FILIP1L: variants seen among roughly 807,000 people sequenced by gnomAD.
FILIP1L encodes the protein filamin A-interacting protein 1-like.
A neutral mutation model predicts 96.6 loss-of-function variants in FILIP1L; 55 were observed. The ratio of observed to expected loss-of-function variants is 0.57; its 90% confidence interval spans 0.46 to 0.71. FILIP1L has a LOEUF of 0.71. FILIP1L is among the 30% of genes least tolerant of loss of function. The pLI is 0.00. For missense variants in FILIP1L, 1,304 were observed against 1,321.2 expected (o/e 0.99, Z 0.20); for synonymous variants, 467 against 473.9 (o/e 0.99, Z 0.19).
intron 1 of FILIP1L, among the ~76,000 whole-genome samples, chr3:100,064,398 C>CTTT (rs527292402): frequency 1.4e-5 from 2 of 146,070 alleles, no homozygotes; most frequent in Non-Finnish European, 1.5e-5. Context: ...CCCCAACACC[C>CTTT]TTTTTTTTTT....
chr3:100,041,854 GT>G (rs1366152509), intron 1 of FILIP1L, among the ~76,000 whole-genome samples: 1 of 152,108 alleles, frequency 6.6e-6, no homozygotes, highest in Non-Finnish European at 1.5e-5. Context: ...CAACATGAAA[GT>G]ATATCACATG....
chr3:100,073,126 T>C (rs1186649721), intron 1 of FILIP1L, among the ~76,000 whole-genome samples: 1 of 152,238 alleles, frequency 6.6e-6, no homozygotes, highest in African/African-American at 2.4e-5. Context: ...AAGAATGCTG[T>C]TATATTATAG....
intron 1 of FILIP1L, among the ~76,000 whole-genome samples, chr3:99,932,079 A>T (rs1035396160): frequency 1.3e-5 from 2 of 152,194 alleles, no homozygotes; most frequent in African/African-American, 4.8e-5. Context: ...TACCACACAA[A>T]TTTATAAAAT....
At chr3:99,854,106 T>C (rs1559660739) in intron 4 of FILIP1L, among the ~76,000 whole-genome samples, 1 of 152,208 alleles carries the variant, frequency 6.6e-6, no homozygotes, top group African/African-American at 2.4e-5. Context: ...ATTTCTTGCC[T>C]TGTATCCAGG....
At chr3:99,919,774 G>T (rs1362331567) in intron 4 of FILIP1L, among the ~76,000 whole-genome samples, 1 of 152,140 alleles carries the variant, frequency 6.6e-6, no homozygotes, top group Non-Finnish European at 1.5e-5. Context: ...TTATAAAGTT[G>T]TTTCAGCCAA....
chr3:99,940,397 G>A (rs757859382), intron 1 of FILIP1L, among the ~76,000 whole-genome samples: 1 of 152,138 alleles, frequency 6.6e-6, no homozygotes, highest in African/African-American at 2.4e-5. Flanking sequence ...GTTTTTCTTA[G>A]AAATACAGTG....
intron 5 of FILIP1L, among the ~76,000 whole-genome samples, chr3:99,836,647 C>T (rs540958062): frequency 7.9e-5 from 12 of 152,334 alleles, no homozygotes; most frequent in African/African-American, 2.9e-4. Flanking sequence ...TGCCCACATC[C>T]TCTGCACAAG....
Position 99,840,952 on chromosome 3 carries a change from A to C in FILIP1L, c.3381+7343T>G, listed in dbSNP as rs1052705615. On this transcript the variant is annotated intron_variant, in intron 5 of 5. Coordinates refer to ENST00000477258, the MANE Select transcript of FILIP1L (RefSeq NM_001387850.1). ...TATTGGTAGAGATTGACAGTTTCCC[A>C]CTTGATTAAATGTTGTCTGATACTC... Among the ~76,000 whole-genome samples, 6 of 152,242 alleles carry C rather than the reference A, an allele frequency of 3.9e-5. No individual in the cohort carries two copies. The East Asian group carries it at 9.6e-4, about 24-fold the overall frequency.
intron 1 of FILIP1L, among the ~76,000 whole-genome samples, chr3:99,973,827 T>A (rs998031601): frequency 6.6e-6 from 1 of 152,204 alleles, no homozygotes; most frequent in Non-Finnish European, 1.5e-5. Context: ...TTCCTAGGCC[T>A]GGTGTTTGTT....
chr3:100,021,970 A>T (rs1225137654), intron 1 of FILIP1L, among the ~76,000 whole-genome samples: 2,799 of 124,718 alleles, frequency 0.022, 81 homozygotes, highest in African/African-American at 0.072. Flanking sequence ...TGAGAGAGAG[A>T]GAGAGAGAGA....
At chr3:99,863,796 C>A (rs1364764829) in intron 4 of FILIP1L, among the ~76,000 whole-genome samples, 2 of 152,208 alleles carry the variant, frequency 1.3e-5, no homozygotes. Context: ...ATACTAGTTT[C>A]TCTTATGTAC....
At chr3:100,025,815 T>A (rs2064910259) in intron 1 of FILIP1L, among the ~76,000 whole-genome samples, 1 of 152,150 alleles carries the variant, frequency 6.6e-6, no homozygotes, top group Admixed American at 6.5e-5. Context: ...TCGACCTCCA[T>A]TTTTTGTTGG....
At chr3:100,061,077 T>C (rs775799854) in intron 1 of FILIP1L, among the ~76,000 whole-genome samples, 19 of 151,716 alleles carry the variant, frequency 1.3e-4, no homozygotes, top group South Asian at 4.2e-4. Flanking sequence ...AAGTGGCCAA[T>C]AGATGTGCAC....
At chr3:99,983,416 ATATG>A (rs1240242590) in intron 1 of FILIP1L, among the ~76,000 whole-genome samples, 13 of 96,950 alleles carry the variant, frequency 1.3e-4, no homozygotes, top group African/African-American at 2.6e-4. Context: ...ATATATATAT[ATATG>A]TATGTATGTA....
intron 1 of FILIP1L, among the ~76,000 whole-genome samples, chr3:100,047,813 C>G (rs1403173281): frequency 1.3e-5 from 2 of 151,860 alleles, no homozygotes; most frequent in East Asian, 1.9e-4. Flanking sequence ...CCTCACTGCT[C>G]TCCCCAGAAG....
chr3:99,879,184 G>T (rs754527439), intron 4 of FILIP1L, among the ~76,000 whole-genome samples: 1 of 152,288 alleles, frequency 6.6e-6, no homozygotes, highest in Non-Finnish European at 1.5e-5. Flanking sequence ...ATTTAGAAAT[G>T]ATACAAAGAA....
At position 99,910,669 on chromosome 3, in the gene FILIP1L, C is replaced by T. The variant is rs778750586; in HGVS notation, c.605+13561G>A. Among the ~76,000 whole-genome samples, 21 of 128,312 alleles carry T rather than the reference C, an allele frequency of 1.6e-4. 2 individuals are homozygous for T. The highest frequency in any genetic ancestry group is 3.2e-4 in the Non-Finnish European group (18 of 55,554). The allele number at this position is 128,312 out of a possible 152,430, so 84.2% of individuals were successfully genotyped here. Reference sequence around the variant, plus strand: ...ACTATTATCTCCATATGTAAATAAACATTTTATGGGGTTTATATTTTCCCT... The same window carrying T: ...ACTATTATCTCCATATGTAAATAAATATTTTATGGGGTTTATATTTTCCCT... On this transcript the variant is annotated intron_variant, in intron 4 of 5. Coordinates refer to ENST00000477258, the MANE Select transcript of FILIP1L (RefSeq NM_001387850.1).
chr3:99,969,058 A>G (rs185820932), intron 1 of FILIP1L, among the ~76,000 whole-genome samples: 303 of 152,242 alleles, frequency 2.0e-3, no homozygotes, highest in African/African-American at 6.8e-3. Flanking sequence ...AGATTTAGGA[A>G]GTAAAGGGGA....
chr3:100,043,606 C>T (rs947050278), intron 1 of FILIP1L, among the ~76,000 whole-genome samples: 6 of 152,130 alleles, frequency 3.9e-5, no homozygotes, highest in African/African-American at 1.4e-4. Flanking sequence ...TCAGTTAGGA[C>T]ATGGAGACTT....
Sources: allele counts gnomAD v4.1 joint callset (sites outside exome capture counted in the v4.1 genomes callset), GRCh38; gene constraint gnomAD v4.1.1; transcripts MANE v1.5; gene names NCBI Gene and HGNC (gene_info 2026-07-23, HGNC 2026-07-21).